Variants in UGCG observed in about 807,000 individuals in gnomAD.
UGCG encodes the protein ceramide glucosyltransferase.
A neutral mutation model predicts 49.5 loss-of-function variants in UGCG; 10 were observed. The observed-to-expected ratio is 0.20, with a 90% CI of 0.12 to 0.34. The LOEUF is 0.34. UGCG is among the 10% of genes least tolerant of loss of function. The pLI is 1.00. For synonymous variants in UGCG, 182 were observed against 158.2 expected (o/e 1.15, Z -1.13); for missense variants, 312 against 483.7 (o/e 0.65, Z 3.33).
At chr9:111,910,958 GC>G (rs1407473426) in intron 1 of UGCG, among the ~76,000 whole-genome samples, 1 of 152,090 alleles carries the variant, frequency 6.6e-6, no homozygotes, top group Admixed American at 6.6e-5. Context: ...TGTTGACCAG[GC>G]TGGTCTCAAA....
At chr9:111,917,626 T>C (rs1838133181) in intron 2 of UGCG, among the ~76,000 whole-genome samples, 1 of 152,234 alleles carries the variant, frequency 6.6e-6, no homozygotes, top group Non-Finnish European at 1.5e-5. Context: ...TTTTAAAATT[T>C]TACTTAATTT....
chr9:111,929,956 C>CT (rs2118599635), intron 6 of UGCG, among the ~76,000 whole-genome samples: 1 of 152,130 alleles, frequency 6.6e-6, no homozygotes, highest in South Asian at 2.1e-4. Flanking sequence ...GCACCTGGGA[C>CT]TACAGGCATG....
intron 1 of UGCG, among the ~76,000 whole-genome samples, chr9:111,912,449 CA>C (rs1237480910): frequency 6.6e-6 from 1 of 151,888 alleles, no homozygotes; most frequent in Non-Finnish European, 1.5e-5. Flanking sequence ...CATGGTGGTG[CA>C]TGCCTGTAAT....
At chr9:111,902,488 A>G (rs1837794487) in intron 1 of UGCG, among the ~76,000 whole-genome samples, 1 of 152,264 alleles carries the variant, frequency 6.6e-6, no homozygotes, top group Non-Finnish European at 1.5e-5. Flanking sequence ...ACAAACAGTA[A>G]TATAGTCATG....
At chr9:111,929,320 A>C in intron 5 of UGCG, 180 bp from the exon 6 acceptor site, 1 of 499,580 alleles carries the variant, frequency 2.0e-6, no homozygotes, top group East Asian at 3.6e-5. Flanking sequence ...TTAGCTTACT[A>C]ACTGTGCTTG....
At chr9:111,928,900 A>T (rs1838371996) in intron 5 of UGCG, among the ~76,000 whole-genome samples, 1 of 152,130 alleles carries the variant, frequency 6.6e-6, no homozygotes. Flanking sequence ...GCAGTAGCGG[A>T]TGAGAGAATT....
rs760006658 is a variant in UGCG at position 111,922,903 on chromosome 9, A to C, written c.295A>C (p.Lys99Gln). 1.2e-6 allele frequency: 2 copies of C among 1,613,132 alleles called. No individual in the cohort carries two copies. Among genetic ancestry groups the C allele is most frequent in the African/African-American group, 2.7e-5 (2 of 74,906 alleles). ...DHDDPAIDVC[K>Q]KLLGKYPNVD... ...TGATGATCCAGCCATTGATGTATGT[A>C]AGAAGCTTCTTGGAAAATATCCAAA... The change falls in exon 3 of 9, where the codon AAG (lysine) becomes CAG (glutamine). Residue 99 changes from lysine to glutamine, a missense_variant. Lys to Gln is a moderately conservative substitution (Grantham distance 53). Around this residue, in one of 4 missense-constraint regions of UGCG, gnomAD observed 64 missense variants for 67.6 expected, o/e 0.95. Coordinates refer to ENST00000374279, the MANE Select transcript of UGCG (RefSeq NM_003358.3).
Position 111,931,335 on chromosome 9 carries a change from C to G in UGCG, c.802C>G (p.Gln268Glu). The G allele has an allele frequency of 4.3e-6, 7 of 1,613,806 alleles. No individual in the cohort carries two copies. The highest frequency in any genetic ancestry group is 5.1e-6 in the Non-Finnish European group (6 of 1,179,972). ...MQNSGSYSIS[Q>E]FQSRMIRWTK... Reference sequence around the variant, plus strand: ...AAACTCTGGCTCATATTCAATTTCTCAGTTTCAATCCAGAATGATCAGGTA... The same window carrying G: ...AAACTCTGGCTCATATTCAATTTCTGAGTTTCAATCCAGAATGATCAGGTA... The change falls in exon 7 of 9, where the codon CAG becomes GAG. Residue 268 changes from glutamine to glutamate, a missense_variant. Gln to Glu is a conservative substitution (Grantham distance 29, BLOSUM62 2). Around this residue, in one of 4 missense-constraint regions of UGCG, gnomAD observed 180 missense variants for 320.4 expected, o/e 0.56. Transcript: ENST00000374279.
Position 111,924,837 on chromosome 9 carries a change from C to G in UGCG, c.404C>G (p.Ala135Gly). ...INNLMPGYEV[A>G]KYDLIWICDS... ...AATTTAATGCCAGGATATGAAGTTGCAAAGTATGATCTTATATGGATTTGT... is the reference window on the plus strand; with the variant it reads ...AATTTAATGCCAGGATATGAAGTTGGAAAGTATGATCTTATATGGATTTGT... The change falls in exon 4 of 9, where the codon GCA (alanine) becomes GGA (glycine). Residue 135 changes from alanine (A) to glycine (G), a missense_variant. Transcript: ENST00000374279. 6.5e-7 allele frequency: 1 copy of G among 1,539,214 alleles called. No homozygotes were observed. The highest frequency in any genetic ancestry group is 8.7e-7 in the Non-Finnish European group (1 of 1,149,994).
chr9:111,912,916 C>T lies in UGCG; in HGVS notation c.99-1689C>T, dbSNP rs960988399. On this transcript the variant is annotated intron_variant, in intron 1 of 8. Coordinates refer to ENST00000374279, the MANE Select transcript of UGCG (RefSeq NM_003358.3). ...GTGTGTGTGTGTGTGCGTGTGTGCA[C>T]GTGTGTGTAAAACTGTATGGCCTTA... Among the ~76,000 whole-genome samples, 23 of 151,962 alleles carry T rather than the reference C, an allele frequency of 1.5e-4. No individual in the cohort carries two copies. The South Asian group carries it at 2.1e-3, about 14-fold the overall frequency.
intron 3 of UGCG, among the ~76,000 whole-genome samples, 196 bp downstream of exon 3, chr9:111,923,147 A>T (rs1463355935): frequency 6.6e-6 from 1 of 152,206 alleles, no homozygotes; most frequent in African/African-American, 2.4e-5. Context: ...AGATGAACAA[A>T]ATCACACACA....
At chr9:111,932,088 A>G in intron 7 of UGCG, 82 bp from the exon 8 acceptor site, 2 of 1,433,340 alleles carry the variant, frequency 1.4e-6, no homozygotes, top group East Asian at 2.3e-5. Flanking sequence ...GGGTAAAAAA[A>G]TTGATTATTT....
rs775621550 is a variant in UGCG at position 111,897,191 on chromosome 9, C to A, written c.-25C>A. The A allele has an allele frequency of 1.3e-6, 2 of 1,536,440 alleles. No homozygotes were observed. The highest frequency in any genetic ancestry group is 2.8e-5 in the African/African-American group (2 of 72,602). ...TGTCCGTGTTGGCGGCCGCAGCGGG[C>A]CGGGCCGGTCCGGCGGGCCGGGGGA... On this transcript the variant is annotated 5_prime_UTR_variant, in exon 1 of 9. Coordinates refer to ENST00000374279, the MANE Select transcript of UGCG (RefSeq NM_003358.3).
intron 4 of UGCG, among the ~76,000 whole-genome samples, chr9:111,925,333 C>T (rs1470380744): frequency 2.0e-5 from 3 of 152,204 alleles, no homozygotes; most frequent in African/African-American, 7.2e-5. Context: ...AGCAAGAAGC[C>T]TTTCATATAC....
rs1353722542 is a variant in UGCG at position 111,930,942 on chromosome 9, T to TAAAC, written c.738-329_738-328insAAAC. 3.3e-5 allele frequency among the ~76,000 whole-genome samples: 5 copies of TAAAC among 152,352 alleles called. No homozygotes were observed. The East Asian group carries it at 9.6e-4, about 29-fold the overall frequency. On this transcript the variant is annotated intron_variant, in intron 6 of 8. Coordinates refer to ENST00000374279, the MANE Select transcript of UGCG (RefSeq NM_003358.3). ...GCCACTTTCTGTTTACATGTCTTGT[T>TAAAC]GTTTGGTTAGTAGTCATCAGAGACT...
rs36015756 is a variant in UGCG at position 111,922,857 on chromosome 9, G to A, written c.249G>A (p.Val83=). 575 of 1,609,480 alleles carry A rather than the reference G, an allele frequency of 3.6e-4. 1 individual carries two copies. In the African/African-American group the frequency reaches 6.8e-3, roughly 19 times the overall value. The part of the protein sequence containing the change: ...FFELDYPKYE[V]LLCVQDHDDP... ...CAATGCTTTTTGACTAGTATGAAGT[G>A]CTCCTTTGTGTACAAGATCATGATG... The change falls in exon 3 of 9, where the codon GTG becomes GTA. Residue 83 remains valine (V), a synonymous_variant. Transcript: ENST00000374279.
At chr9:111,924,105 A>G (rs1838276807) in intron 3 of UGCG, among the ~76,000 whole-genome samples, 1 of 152,184 alleles carries the variant, frequency 6.6e-6, no homozygotes, top group Non-Finnish European at 1.5e-5. Context: ...GTTTACATTT[A>G]ATAAACCTTT....
rs1039073634 is a variant in UGCG, at chr9:111,915,576, C to T, written c.240+830C>T. On this transcript the variant is annotated intron_variant, in intron 2 of 8. Coordinates refer to ENST00000374279, the MANE Select transcript of UGCG (RefSeq NM_003358.3). ...CAGTTTAGTTTTCCCTTTGCGGTCT[C>T]TATTCACTTGCCTCAATTTTTACCC... Among the ~76,000 whole-genome samples, 25 of 152,192 alleles carry T rather than the reference C, an allele frequency of 1.6e-4. 1 individual carries two copies. Among genetic ancestry groups the T allele is most frequent in the Admixed American group, 1.6e-3 (24 of 15,278 alleles).
chr9:111,909,259 G>GA (rs1039155786), intron 1 of UGCG, among the ~76,000 whole-genome samples: 5 of 151,278 alleles, frequency 3.3e-5, no homozygotes, highest in African/African-American at 4.9e-5. Context: ...TCTTTATTTT[G>GA]AAAAAAACCA....
Sources: allele counts gnomAD v4.1 joint callset (sites outside exome capture counted in the v4.1 genomes callset), GRCh38; gene constraint gnomAD v4.1.1; regional missense constraint gnomAD v4.1.1; transcripts MANE v1.5; gene names NCBI Gene and HGNC (gene_info 2026-07-23, HGNC 2026-07-21).